The following NFKB1 variants were observed in gnomAD, a reference collection of about 807,000 sequenced individuals.
The protein encoded by NFKB1 is nuclear factor kappa B subunit 1.
In NFKB1, 9 loss-of-function variants were observed where a neutral mutation model predicts 105.1. The ratio of observed to expected loss-of-function variants is 0.09; its 90% CI spans 0.05 to 0.15. The LOEUF (loss-of-function observed/expected upper bound fraction) is 0.15, where lower values mean the gene tolerates loss of function less well. Ranked by LOEUF, NFKB1 falls within the 10% of genes least tolerant of loss-of-function variation. The pLI is 1.00. For missense variants in NFKB1, 830 were observed against 1,203.7 expected, an observed-to-expected ratio of 0.69 and a Z score of 4.59; for synonymous variants, 440 against 442.2, an observed-to-expected ratio of 1.00 and a Z score of 0.06.
At chr4:102,610,846 A>G in intron 20 of NFKB1, 147 bp downstream of exon 20, 1 of 1,060,900 alleles carries the variant, frequency 9.4e-7, no homozygotes, top group Non-Finnish European at 1.3e-6. Flanking sequence ...GACCATTTTT[A>G]TCTTGAAAAA....
At chr4:102,541,533 G>A (rs560217862) in intron 5 of NFKB1, among the ~76,000 whole-genome samples, 2 of 152,124 alleles carry the variant, frequency 1.3e-5, no homozygotes, top group Non-Finnish European at 2.9e-5. Context: ...GCTAATGTGG[G>A]AGTTCTATTG....
At chr4:102,525,712 G>A (rs1362865901) in intron 2 of NFKB1, among the ~76,000 whole-genome samples, 155 bp downstream of exon 2, 10 of 152,116 alleles carry the variant, frequency 6.6e-5, no homozygotes, top group Non-Finnish European at 1.3e-4. Context: ...TGAAGTTGGA[G>A]AGGATATGTC....
At chr4:102,553,998 C>T (rs890859819) in intron 5 of NFKB1, among the ~76,000 whole-genome samples, 1 of 152,140 alleles carries the variant, frequency 6.6e-6, no homozygotes, top group Admixed American at 6.5e-5. Flanking sequence ...TTCTTTCCAA[C>T]TCAGAAATTC....
chr4:102,608,525 G>A (rs2149223828), intron 19 of NFKB1, among the ~76,000 whole-genome samples: 1 of 152,084 alleles, frequency 6.6e-6, no homozygotes, highest in East Asian at 1.9e-4. Context: ...TAATTCTCTA[G>A]TCCTGTGAAG....
intron 11 of NFKB1, among the ~76,000 whole-genome samples, chr4:102,588,268 A>G (rs1275115092): frequency 3.3e-5 from 5 of 152,182 alleles, no homozygotes; most frequent in Admixed American, 6.6e-5. Flanking sequence ...GACATTATAC[A>G]TAAATATAAA....
At chr4:102,510,943 C>T in intron 1 of NFKB1, 1 of 1,283,544 alleles carries the variant, frequency 7.8e-7, no homozygotes, top group Non-Finnish European at 1.0e-6. Flanking sequence ...ATGAAAAGAA[C>T]CACCAGGTAA....
At chr4:102,508,632 C>G (rs1329477981) in intron 1 of NFKB1, among the ~76,000 whole-genome samples, 1 of 152,126 alleles carries the variant, frequency 6.6e-6, no homozygotes, top group Non-Finnish European at 1.5e-5. Flanking sequence ...ATAGCCATTT[C>G]TCTACCCTAT....
intron 7 of NFKB1, chr4:102,577,735 C>A: frequency 1.3e-6 from 1 of 750,368 alleles, no homozygotes; most frequent in Non-Finnish European, 1.6e-6. Flanking sequence ...CAAAACCTTC[C>A]CATCCTCACT....
At chr4:102,613,220 T>C (rs1211384704) in intron 22 of NFKB1, among the ~76,000 whole-genome samples, 1 of 152,146 alleles carries the variant, frequency 6.6e-6, no homozygotes, top group Non-Finnish European at 1.5e-5. Context: ...TTCTCTGTGA[T>C]TTCCTGAGTG....
rs542174139 is a variant in NFKB1 at position 102,507,855 on chromosome 4, C to T, written c.-8+6067C>T. ...TTTCAGTGTTAGGGCACACCTATCC[C>T]TCTTTATCCCAGACGTCAATTCTAC... is the stretch of plus-strand genomic sequence containing the variant. On this transcript the variant is annotated intron_variant, in intron 1 of 23. Coordinates refer to ENST00000226574, the MANE Select transcript of NFKB1 (RefSeq NM_003998.4). 2.6e-5 allele frequency among the ~76,000 whole-genome samples: 4 copies of T among 152,260 alleles called. No individual in the cohort carries two copies. In the South Asian group the frequency reaches 6.2e-4, roughly 24 times the overall value.
At chr4:102,547,752 C>A (rs971624154) in intron 5 of NFKB1, among the ~76,000 whole-genome samples, 17 of 152,076 alleles carry the variant, frequency 1.1e-4, no homozygotes, top group African/African-American at 4.1e-4. Context: ...AAACCTTCAC[C>A]AGTCTATTAA....
intron 11 of NFKB1, among the ~76,000 whole-genome samples, chr4:102,592,328 G>A (rs982539418): frequency 2.6e-5 from 4 of 152,202 alleles, no homozygotes; most frequent in African/African-American, 9.6e-5. Flanking sequence ...TATCAAAACA[G>A]CATTGTATAC....
chr4:102,537,950 G>T lies in NFKB1; in HGVS notation c.252G>T (p.Gln84His). 6.3e-7 allele frequency: 1 copy of T among 1,598,770 alleles called. No homozygotes were observed. Among genetic ancestry groups the T allele is most frequent in the Non-Finnish European group, 8.6e-7 (1 of 1,166,682 alleles). Residue 84 changes from glutamine to histidine, a missense_variant, in exon 5 of 24, where the codon CAG (glutamine) becomes CAT (histidine). Gln to His is a conservative substitution (Grantham distance 24, BLOSUM62 0). Coordinates refer to ENST00000226574, the MANE Select transcript of NFKB1 (RefSeq NM_003998.4). Reference sequence around the variant, plus strand: ...AAAAGAACAAGAAGTCTTACCCTCAGGTCAAAGTAAGTTTGTGGTAGCTCT... The same window carrying T: ...AAAAGAACAAGAAGTCTTACCCTCATGTCAAAGTAAGTTTGTGGTAGCTCT... ...SSEKNKKSYP[Q>H]VKICNYVGPA...
chr4:102,538,861 A>G lies in NFKB1; in HGVS notation c.258+905A>G, dbSNP rs187084902. On this transcript the variant is annotated intron_variant, in intron 5 of 23. Coordinates refer to ENST00000226574, the MANE Select transcript of NFKB1 (RefSeq NM_003998.4). ...GTGTGTGTGCCCCTCAGGGTGTAACATACTTTTGGACTCAGTCTTTTTATT... is the reference window on the plus strand; with the variant it reads ...GTGTGTGTGCCCCTCAGGGTGTAACGTACTTTTGGACTCAGTCTTTTTATT... 1.7e-3 allele frequency among the ~76,000 whole-genome samples: 264 copies of G among 152,264 alleles called. 1 individual carries two copies. The highest frequency in any genetic ancestry group is 3.5e-3 in the Admixed American group (54 of 15,272).
At chr4:102,605,466 C>T (rs1727629898) in intron 16 of NFKB1, among the ~76,000 whole-genome samples, 1 of 152,192 alleles carries the variant, frequency 6.6e-6, no homozygotes, top group African/African-American at 2.4e-5. Context: ...CAAATTGTCA[C>T]AAGACTGGCT....
chr4:102,553,217 C>CT (rs1383476015), intron 5 of NFKB1, among the ~76,000 whole-genome samples: 5 of 152,112 alleles, frequency 3.3e-5, no homozygotes, highest in African/African-American at 9.7e-5. Context: ...AATGATGTCT[C>CT]TAAGTATTTT....
chr4:102,533,939 G>A, intron 4 of NFKB1, 54 bp downstream of exon 4: 1 of 1,451,340 alleles, frequency 6.9e-7, no homozygotes, highest in Non-Finnish European at 9.6e-7. Context: ...CTAATATTGA[G>A]ATCATAAGCA....
At chr4:102,507,696 T>G (rs1330203648) in intron 1 of NFKB1, among the ~76,000 whole-genome samples, 1 of 152,244 alleles carries the variant, frequency 6.6e-6, no homozygotes, top group East Asian at 1.9e-4. Flanking sequence ...CTGCATAAAG[T>G]TGAGCATACC....
chr4:102,537,829 C>A, intron 4 of NFKB1, 29 bp from the exon 5 acceptor site: 3 of 1,380,218 alleles, frequency 2.2e-6, no homozygotes, highest in Non-Finnish European at 3.1e-6. Flanking sequence ...ATTTCTCAAA[C>A]TTAATTGGCT....
Sources: gnomAD v4.1 joint callset for allele counts (sites outside exome capture counted in the v4.1 genomes callset) on GRCh38, gnomAD v4.1.1 for gene constraint, MANE v1.5 for transcripts, NCBI Gene and HGNC (gene_info 2026-07-23, HGNC 2026-07-21) for gene names.